The following LRP1B variants were observed in gnomAD, a reference collection of about 807,000 sequenced individuals.
LRP1B encodes the protein low-density lipoprotein receptor-related protein 1B.
Under a neutral mutation model 556.6 loss-of-function variants are expected in LRP1B, and 217 were observed. The ratio of observed to expected loss-of-function variants is 0.39; its 90% CI spans 0.35 to 0.44. The LOEUF is 0.44. Ranked by LOEUF, LRP1B falls within the 20% of genes least tolerant of loss-of-function variation. LRP1B has a pLI of 1.00. For missense variants in LRP1B, 5,053 were observed against 5,620.8 expected (o/e 0.90, Z 3.23); for synonymous variants, 2,047 against 1,865.8 (o/e 1.10, Z -2.50).
chr2:140,846,114 T>C (rs556527949), intron 29 of LRP1B, among the ~76,000 whole-genome samples: 2 of 151,984 alleles, frequency 1.3e-5, no homozygotes, highest in Non-Finnish European at 2.9e-5. Context: ...ACCAAAAGAA[T>C]GACAATTAGA....
chr2:141,888,470 A>C (rs1699189657), intron 1 of LRP1B, among the ~76,000 whole-genome samples: 1 of 152,166 alleles, frequency 6.6e-6, no homozygotes, highest in Non-Finnish European at 1.5e-5. Context: ...ACCTGAATCA[A>C]TGTCCCTGGA....
At chr2:140,683,513 G>A in intron 41 of LRP1B, 1 of 595,264 alleles carries the variant, frequency 1.7e-6, no homozygotes, top group East Asian at 3.4e-5. Flanking sequence ...CGCTCCCCTG[G>A]ATGTCGTCAG....
intron 7 of LRP1B, among the ~76,000 whole-genome samples, chr2:141,182,959 T>A (rs2105176979): frequency 6.6e-6 from 1 of 152,074 alleles, no homozygotes; most frequent in Admixed American, 6.6e-5. Flanking sequence ...GACCCTACCT[T>A]CCAAGATGGG....
chr2:140,391,283 GC>G (rs1684008182), intron 66 of LRP1B, among the ~76,000 whole-genome samples: 1 of 152,040 alleles, frequency 6.6e-6, no homozygotes, highest in African/African-American at 2.4e-5. Context: ...AAAGTCACAA[GC>G]AAAATAATGG....
chr2:140,984,678 C>G (rs1008021340), intron 17 of LRP1B, among the ~76,000 whole-genome samples: 6 of 152,030 alleles, frequency 3.9e-5, no homozygotes, highest in African/African-American at 1.4e-4. Context: ...ATTTGTGTTA[C>G]CTCATTAACT....
chr2:141,499,783 T>C (rs184988192), intron 2 of LRP1B, among the ~76,000 whole-genome samples: 227 of 152,152 alleles, frequency 1.5e-3, no homozygotes, highest in Non-Finnish European at 2.6e-3. Flanking sequence ...AATAAAAAAA[T>C]AAAATATATA....
rs1262539230 is a variant in LRP1B at position 141,964,289 on chromosome 2, C to T, written c.83-153888G>A. ...CAAAAAAGAGCCTGCATCGCCAAGT[C>T]AATCCTAAGCCAAAAGAACAAAGCT... On this transcript the variant is annotated intron_variant, in intron 1 of 90. Coordinates refer to ENST00000389484, the MANE Select transcript of LRP1B (RefSeq NM_018557.3). Among the ~76,000 whole-genome samples the T allele has an allele frequency of 5.2e-3, 783 of 150,196 alleles. 9 individuals carry two copies. The highest frequency in any genetic ancestry group is 0.018 in the African/African-American group (743 of 40,968).
intron 1 of LRP1B, among the ~76,000 whole-genome samples, chr2:141,891,456 A>G (rs930566869): frequency 6.6e-6 from 1 of 152,142 alleles, no homozygotes; most frequent in East Asian, 1.9e-4. Flanking sequence ...CATTTGTCAC[A>G]TGTGCCTACA....
intron 2 of LRP1B, among the ~76,000 whole-genome samples, chr2:141,630,673 T>C (rs1025313466): frequency 6.6e-6 from 1 of 152,146 alleles, no homozygotes; most frequent in African/African-American, 2.4e-5. Context: ...TCACAGTGAG[T>C]TTATCAAAAT....
chr2:141,905,450 G>T (rs775033539), intron 1 of LRP1B, among the ~76,000 whole-genome samples: 1 of 151,764 alleles, frequency 6.6e-6, no homozygotes, highest in Non-Finnish European at 1.5e-5. Context: ...AATCAACGAG[G>T]TTTTGTACTT....
intron 1 of LRP1B, among the ~76,000 whole-genome samples, chr2:141,924,241 T>G (rs1320790597): frequency 1.3e-5 from 2 of 151,676 alleles, no homozygotes; most frequent in South Asian, 2.1e-4. Context: ...GAAGAGAAGG[T>G]ATGTCTGAAC....
chr2:140,666,196 T>C lies in LRP1B; in HGVS notation c.6799+34054A>G, dbSNP rs186427600. Among the ~76,000 whole-genome samples, 299 of 151,548 alleles carry C rather than the reference T, an allele frequency of 2.0e-3. 2 individuals carry two copies. Among genetic ancestry groups the C allele is most frequent in the African/African-American group, 6.5e-3 (270 of 41,314 alleles). ...TTTTAGTAGAGGCGGGGCTTCACCA[T>C]CTTGGCCAGGCTGGTCTTGAATTCC... is the stretch of plus-strand genomic sequence containing the variant. On this transcript the variant is annotated intron_variant, in intron 41 of 90. Transcript: ENST00000389484.
chr2:141,861,449 C>G (rs1020396666), intron 1 of LRP1B, among the ~76,000 whole-genome samples: 1 of 152,172 alleles, frequency 6.6e-6, no homozygotes, highest in Admixed American at 6.5e-5. Flanking sequence ...GGCCAAGCAA[C>G]CAAGACTAGT....
At chr2:141,512,931 C>T (rs1199400886) in intron 2 of LRP1B, among the ~76,000 whole-genome samples, 1 of 152,162 alleles carries the variant, frequency 6.6e-6, no homozygotes, top group East Asian at 1.9e-4. Context: ...TAAACTAGAT[C>T]ATCTTGATCT....
At chr2:141,173,919 T>C (rs1185892891) in intron 7 of LRP1B, among the ~76,000 whole-genome samples, 1 of 152,060 alleles carries the variant, frequency 6.6e-6, no homozygotes, top group Non-Finnish European at 1.5e-5. Context: ...TTCTAAAATA[T>C]ACTATATTAT....
At chr2:140,539,850 T>A (rs2105013350) in intron 45 of LRP1B, among the ~76,000 whole-genome samples, 1 of 152,310 alleles carries the variant, frequency 6.6e-6, no homozygotes, top group South Asian at 2.1e-4. Context: ...CATCTGCATT[T>A]AAAATTTTGA....
chr2:141,035,005 T>C (rs370953522), intron 11 of LRP1B, among the ~76,000 whole-genome samples: 32 of 152,048 alleles, frequency 2.1e-4, no homozygotes, highest in Admixed American at 9.8e-4. Context: ...GGCACATATA[T>C]GCCATGGAAT....
At chr2:141,890,537 C>T (rs931288288) in intron 1 of LRP1B, among the ~76,000 whole-genome samples, 1 of 151,416 alleles carries the variant, frequency 6.6e-6, no homozygotes, top group African/African-American at 2.4e-5. Flanking sequence ...AAGCATAATG[C>T]TTTTTACTCA....
At chr2:141,337,864 A>C (rs1687903531) in intron 3 of LRP1B, among the ~76,000 whole-genome samples, 1 of 152,222 alleles carries the variant, frequency 6.6e-6, no homozygotes, top group African/African-American at 2.4e-5. Flanking sequence ...AAATAATGAC[A>C]ACATGTTACA....
Sources: gnomAD v4.1 joint callset for allele counts (sites outside exome capture counted in the v4.1 genomes callset) on GRCh38, gnomAD v4.1.1 for gene constraint, MANE v1.5 for transcripts, NCBI Gene and HGNC (gene_info 2026-07-23, HGNC 2026-07-21) for gene names.